Variants in CIPC observed in about 807,000 individuals in gnomAD.
CIPC encodes CLOCK interacting pacemaker.
A neutral mutation model predicts 26.7 loss-of-function variants in CIPC; 12 were observed. The observed-to-expected ratio is 0.45, with a 90% confidence interval of 0.29 to 0.73. CIPC has a LOEUF of 0.73. Ranked by LOEUF, CIPC falls within the 30% of genes least tolerant of loss-of-function variation. CIPC has a pLI of 0.12. For missense variants in CIPC, 417 were observed against 486.5 expected (o/e 0.86, Z 1.34); for synonymous variants, 170 against 189.8 (o/e 0.90, Z 0.86).
At chr14:77,098,514 G>T in intron 1 of CIPC, 153 bp downstream of exon 1, 1 of 153,516 alleles carries the variant, frequency 6.5e-6, no homozygotes, top group Non-Finnish European at 1.5e-5. Flanking sequence ...TTCGGAGGAC[G>T]GAGAGCCAAA....
At chr14:77,113,014 A>G (rs1186342160) in intron 3 of CIPC, among the ~76,000 whole-genome samples, 2 of 152,182 alleles carry the variant, frequency 1.3e-5, no homozygotes, top group Admixed American at 1.3e-4. Context: ...ACCTGGCCCA[A>G]TATGTTACTT....
At chr14:77,111,752 G>T (rs1886705786) in intron 3 of CIPC, among the ~76,000 whole-genome samples, 1 of 152,224 alleles carries the variant, frequency 6.6e-6, no homozygotes, top group Admixed American at 6.5e-5. Context: ...TCTGTTAGGA[G>T]AGTGGGCATA....
chr14:77,113,139 T>G (rs888627073), intron 3 of CIPC, among the ~76,000 whole-genome samples: 2 of 152,252 alleles, frequency 1.3e-5, no homozygotes, highest in African/African-American at 4.8e-5. Flanking sequence ...TTTTGTTGTT[T>G]CAGTTGTGAC....
chr14:77,113,291 A>C lies in CIPC; in HGVS notation c.307-134A>C, dbSNP rs1886739336. The C allele has an allele frequency of 1.2e-5, 11 of 930,120 alleles. No homozygotes were observed. In the Admixed American group the frequency reaches 1.9e-4, roughly 16 times the overall value. The allele number at this position is 930,120 out of a possible 1,614,324, so 57.6% of individuals were successfully genotyped here. On this transcript the variant is annotated intron_variant, in intron 3 of 3. Coordinates refer to ENST00000361786, the MANE Select transcript of CIPC (RefSeq NM_033426.3). ...TCAGACACAAATAGATGTTCAAACC[A>C]CTATGTGAGAGAAGCACTGTCCTTG...
rs949690821 is a variant in CIPC, at chr14:77,115,085, C to T, written c.*767C>T. 7.9e-5 allele frequency: 12 copies of T among 152,056 alleles called. No individual in the cohort carries two copies. The Middle Eastern group carries it at 9.5e-3, about 120-fold the overall frequency. The allele number at this position is 152,056 out of a possible 1,614,324, so 9.4% of individuals were successfully genotyped here. Reference sequence around the variant, plus strand: ...AGAAGCTGAAGAAAATAGACATAGCCGGCATATCTCATGGTCAGGAGCTGG... The same window carrying T: ...AGAAGCTGAAGAAAATAGACATAGCTGGCATATCTCATGGTCAGGAGCTGG... On this transcript the variant is annotated 3_prime_UTR_variant, in exon 4 of 4. Coordinates refer to ENST00000361786, the MANE Select transcript of CIPC (RefSeq NM_033426.3).
At chr14:77,103,810 C>G (rs1335390643) in intron 1 of CIPC, among the ~76,000 whole-genome samples, 1 of 152,166 alleles carries the variant, frequency 6.6e-6, no homozygotes, top group Non-Finnish European at 1.5e-5. Flanking sequence ...TAACTTCAGT[C>G]TCTACATGAC....
Position 77,114,858 on chromosome 14 carries a change from G to T in CIPC, c.*540G>T. 1 of 154,214 alleles carries T rather than the reference G, an allele frequency of 6.5e-6. No individual in the cohort carries two copies. Among genetic ancestry groups the T allele is most frequent in the Admixed American group, 6.4e-5 (1 of 15,734 alleles). The allele number at this position is 154,214 out of a possible 1,614,324, so 9.6% of individuals were successfully genotyped here. A position where few individuals can be genotyped will look rare whatever the true frequency, so the allele number is the denominator to read the frequency against. ...ATTCCCTGGGCACAGGTTGCACCTG[G>T]GTGTGAGCACTTAATCACTCAACGC... is the stretch of plus-strand genomic sequence containing the variant. On this transcript the variant is annotated 3_prime_UTR_variant, in exon 4 of 4. Transcript: ENST00000361786.
intron 2 of CIPC, among the ~76,000 whole-genome samples, chr14:77,109,025 G>A (rs917108005): frequency 8.6e-5 from 13 of 151,846 alleles, no homozygotes; most frequent in African/African-American, 3.2e-4. Context: ...GGAATCAGCT[G>A]TTTCTCCAAG....
intron 1 of CIPC, among the ~76,000 whole-genome samples, chr14:77,105,329 C>G (rs1404574830): frequency 1.3e-5 from 2 of 152,196 alleles, no homozygotes; most frequent in Non-Finnish European, 2.9e-5. Context: ...CCCCTGTCCC[C>G]TCTCCCCTCT....
At chr14:77,104,141 C>T (rs548157782) in intron 1 of CIPC, among the ~76,000 whole-genome samples, 9 of 152,246 alleles carry the variant, frequency 5.9e-5, no homozygotes, top group Admixed American at 1.3e-4. Flanking sequence ...CAAGCCAAGG[C>T]CCAGAGCCAA....
At chr14:77,105,595 C>T in intron 1 of CIPC, 62 bp from the exon 2 acceptor site, 1 of 1,149,816 alleles carries the variant, frequency 8.7e-7, no homozygotes, top group South Asian at 1.6e-5. Context: ...ACTTTATTCA[C>T]TGTTTGGATC....
In CIPC at chr14:77,109,818, G is replaced by A; in HGVS notation, c.143G>A (p.Ser48Asn). The A allele has an allele frequency of 6.2e-7, 1 of 1,611,660 alleles. No homozygotes were observed. Among genetic ancestry groups the A allele is most frequent in the East Asian group, 2.2e-5 (1 of 44,854 alleles). The stretch of plus-strand genomic sequence containing the variant: ...CCATTCTTCTGCCCACCAGATGGGA[G>A]CTCGGAATGTCTGAGCTCTGCAGAG... ...SDKDSGFSDG[S>N]SECLSSAEQM... Residue 48 changes from serine (S) to asparagine (N), a missense_variant, in exon 3 of 4, where the codon AGC becomes AAC. Transcript: ENST00000361786.
chr14:77,110,483 C>T (rs538314975), intron 3 of CIPC, among the ~76,000 whole-genome samples: 1 of 152,166 alleles, frequency 6.6e-6, no homozygotes, highest in Non-Finnish European at 1.5e-5. Flanking sequence ...TCATTAGTGA[C>T]GAAGCTGCTC....
At chr14:77,113,247 T>G (rs1566806268) in intron 3 of CIPC, 178 bp from the exon 4 acceptor site, 2 of 702,916 alleles carry the variant, frequency 2.8e-6, no homozygotes, top group East Asian at 2.7e-5. Flanking sequence ...TAGAAAAAGT[T>G]TAAAAAGTAT....
chr14:77,102,061 G>A (rs1174532187), intron 1 of CIPC, among the ~76,000 whole-genome samples: 1 of 151,998 alleles, frequency 6.6e-6, no homozygotes, highest in Non-Finnish European at 1.5e-5. Context: ...GCTCTAGCCT[G>A]AGCAACAGCG....
chr14:77,113,547 T>A lies in CIPC; in HGVS notation c.429T>A (p.Thr143=), dbSNP rs1281320101. The change falls in exon 4 of 4, where the codon ACT becomes ACA. Residue 143 remains threonine (T), a synonymous_variant. Transcript: ENST00000361786. ...CATCTCCTGTCAGTCCATGTCACACTGGTGAGAAAAAGTCCGACTCCAGGA... is the reference window on the plus strand; with the variant it reads ...CATCTCCTGTCAGTCCATGTCACACAGGTGAGAAAAAGTCCGACTCCAGGA... The part of the protein sequence containing the change: ...PVPSPVSPCH[T]GEKKSDSRNY... The A allele has an allele frequency of 1.2e-6, 2 of 1,614,194 alleles. No homozygotes were observed. Among genetic ancestry groups the A allele is most frequent in the Admixed American group, 1.7e-5 (1 of 60,028 alleles).
intron 2 of CIPC, among the ~76,000 whole-genome samples, chr14:77,108,304 T>C (rs1008692703): frequency 3.3e-5 from 5 of 152,228 alleles, no homozygotes; most frequent in African/African-American, 1.2e-4. Context: ...TAATACTTTA[T>C]AATTGTGTGA....
At chr14:77,103,728 AT>A (rs1222500552) in intron 1 of CIPC, among the ~76,000 whole-genome samples, 1 of 152,174 alleles carries the variant, frequency 6.6e-6, no homozygotes, top group African/African-American at 2.4e-5. Context: ...TGGAGCAAAT[AT>A]AGGCCTCTCT....
At position 77,100,693 on chromosome 14, in the gene CIPC, CA is replaced by C. The variant is rs546888102; in HGVS notation, c.-53+2334del. On this transcript the variant is annotated intron_variant, in intron 1 of 3. Transcript: ENST00000361786. ...AAGGGATTCTCCTGCCTCACCCTCC[CA>C]AGTAGCTAGGATTACAGATGTGTGC... Among the ~76,000 whole-genome samples the C allele has an allele frequency of 1.3e-4, 20 of 151,698 alleles. No homozygotes were observed. The East Asian group carries it at 3.9e-3, about 30-fold the overall frequency.
Sources: allele counts gnomAD v4.1 joint callset (sites outside exome capture counted in the v4.1 genomes callset), GRCh38; gene constraint gnomAD v4.1.1; transcripts MANE v1.5; gene names NCBI Gene and HGNC (gene_info 2026-07-23, HGNC 2026-07-21).